The following MACF1 variants were observed in gnomAD, a reference collection of about 807,000 sequenced individuals.
MACF1 encodes microtubule-actin cross-linking factor 1.
A neutral mutation model predicts 854.8 loss-of-function variants in MACF1; 193 were observed. The observed-to-expected ratio is 0.23, with a 90% CI of 0.20 to 0.25. MACF1 has a LOEUF of 0.25. MACF1 is among the 10% of genes least tolerant of loss of function. The pLI, the probability that MACF1 is intolerant of heterozygous loss-of-function variation, is 1.00. For synonymous variants in MACF1, 3,185 were observed against 3,226.7 expected, an observed-to-expected ratio of 0.99 and a Z score of 0.44; for missense variants, 7,722 against 8,929.1, an observed-to-expected ratio of 0.86 and a Z score of 5.45.
rs1385562104 is a variant in MACF1 at position 39,334,175 on chromosome 1, A to G, written c.7587A>G (p.Glu2529=). The change falls in exon 37 of 101, where the codon GAA becomes GAG. Residue 2529 remains glutamate, a synonymous_variant. Coordinates refer to ENST00000564288, the MANE Select transcript of MACF1 (RefSeq NM_001394062.1). ...DNAFRHGLIG[E]DLAEKLKRVE... ...CCTTCAGACATGGCTTAATTGGTGA[A>G]GATTTAGCCGAGAAACTCAAAAGAG... The G allele has an allele frequency of 6.2e-7, 1 of 1,614,136 alleles. No homozygotes were observed. Among genetic ancestry groups the G allele is most frequent in the East Asian group, 2.2e-5 (1 of 44,890 alleles).
At chr1:39,269,993 G>A (rs1022550142) in intron 6 of MACF1, among the ~76,000 whole-genome samples, 1 of 152,196 alleles carries the variant, frequency 6.6e-6, no homozygotes, top group Non-Finnish European at 1.5e-5. Flanking sequence ...CTCTCAAGGT[G>A]CAATGCTAGA....
chr1:39,235,081 G>A (rs368801811), intron 2 of MACF1, among the ~76,000 whole-genome samples: 4 of 151,960 alleles, frequency 2.6e-5, no homozygotes, highest in African/African-American at 7.2e-5. Flanking sequence ...AGGCAGAGAC[G>A]CTCCTCACTT....
Position 39,428,084 on chromosome 1 carries a change from T to C in MACF1, c.16600T>C (p.Leu5534=). Residue 5534 remains leucine, a synonymous_variant, in exon 63 of 101, where the codon TTG becomes CTG. Transcript: ENST00000564288. ...QGVLSEKIDS[L]QARYSEIQDR... Reference sequence around the variant, plus strand: ...TGTGCTGTCAGAAAAGATAGACTCATTGCAGGCCCGATACAGTGAAATTCA... The same window carrying C: ...TGTGCTGTCAGAAAAGATAGACTCACTGCAGGCCCGATACAGTGAAATTCA... 1.2e-6 allele frequency: 2 copies of C among 1,614,218 alleles called. No homozygotes were observed. Among genetic ancestry groups the C allele is most frequent in the Non-Finnish European group, 1.7e-6 (2 of 1,180,048 alleles).
At chr1:39,208,220 T>C (rs900268366) in intron 1 of MACF1, among the ~76,000 whole-genome samples, 2 of 151,416 alleles carry the variant, frequency 1.3e-5, no homozygotes, top group Admixed American at 6.6e-5. Flanking sequence ...TTTTATTTCC[T>C]ATCTTGGCCT....
chr1:39,356,538 A>G (rs1647587943), intron 44 of MACF1, among the ~76,000 whole-genome samples: 1 of 152,056 alleles, frequency 6.6e-6, no homozygotes, highest in Admixed American at 6.6e-5. Flanking sequence ...ATGCCCAGCT[A>G]ATTTTTGTAT....
chr1:39,150,208 T>C (rs646546), intron 2 of MACF1, among the ~76,000 whole-genome samples: 143,332 of 152,156 alleles, frequency 0.94, 67,599 homozygotes, highest in East Asian at 1. Context: ...TTACTAGAGA[T>C]GGGGTTTTGC....
chr1:39,133,978 G>A (rs1012327634), intron 2 of MACF1, among the ~76,000 whole-genome samples: 8 of 150,320 alleles, frequency 5.3e-5, no homozygotes, highest in Non-Finnish European at 7.4e-5. Context: ...AGGGATTTGC[G>A]TGGCCAGGTA....
intron 2 of MACF1, among the ~76,000 whole-genome samples, chr1:39,232,765 T>G (rs80093081): frequency 0.65 from 90,483 of 139,442 alleles, 29,772 homozygotes; most frequent in South Asian, 0.78. Context: ...TTTTTTTTTT[T>G]TTTGTTTGTT....
chr1:39,448,097 A>C lies in MACF1; in HGVS notation c.20033A>C (p.Glu6678Ala). The C allele has an allele frequency of 6.2e-7, 1 of 1,614,160 alleles. No homozygotes were observed. The highest frequency in any genetic ancestry group is 8.5e-7 in the Non-Finnish European group (1 of 1,179,974). Reference sequence around the variant, plus strand: ...GATGCAGAGAGTCACCTGGACTCAGAACTAGAGATATCCAATGACCCAGAC... The same window carrying C: ...GATGCAGAGAGTCACCTGGACTCAGCACTAGAGATATCCAATGACCCAGAC... The part of the protein sequence containing the change: ...LEDAESHLDS[E>A]LEISNDPDKI... The change falls in exon 83 of 101, where the codon GAA (glutamate) becomes GCA (alanine). Residue 6678 changes from glutamate to alanine, a missense_variant. Physicochemically the swap from Glu to Ala is moderately radical, Grantham distance 107. This residue lies in a region of MACF1 where 729 missense variants were observed against 900.5 expected (regional missense o/e 0.81). Transcript: ENST00000564288.
rs1179657453 is a variant in MACF1 at position 39,415,410 on chromosome 1, A to G, written c.15817-6964A>G. Among the ~76,000 whole-genome samples, 5 of 149,888 alleles carry G rather than the reference A, an allele frequency of 3.3e-5. 1 individual carries two copies. In the East Asian group the frequency reaches 9.7e-4, roughly 29 times the overall value. On this transcript the variant is annotated intron_variant, in intron 58 of 100. Transcript: ENST00000564288. ...GAGTGCAGTGGTGCGATCTCAGCTC[A>G]CTGCAAGCTCCACCTCCCGGGTTCA...
chr1:39,370,859 C>A (rs1007611435), intron 51 of MACF1, among the ~76,000 whole-genome samples: 14 of 151,972 alleles, frequency 9.2e-5, no homozygotes, highest in Admixed American at 1.3e-4. Context: ...CCAAAAAAAA[C>A]AGAAACAAAA....
rs1241487313 is a variant in MACF1, at chr1:39,460,529, T to C, written c.21361-103T>C. ...CATAGATTTCATTGTTGATGGCCCCTGGAAGCATGGCTTTACTGAATGTCT... is the reference window on the plus strand; with the variant it reads ...CATAGATTTCATTGTTGATGGCCCCCGGAAGCATGGCTTTACTGAATGTCT... On this transcript the variant is annotated intron_variant, in intron 91 of 100. Transcript: ENST00000564288. The surrounding 1 kb of genome is among the most constrained non-coding windows in gnomAD (Gnocchi z 4.1). 11 of 985,626 alleles carry C rather than the reference T, an allele frequency of 1.1e-5. No homozygotes were observed. Among genetic ancestry groups the C allele is most frequent in the Non-Finnish European group, 1.6e-5 (10 of 636,922 alleles). The allele number at this position is 985,626 out of a possible 1,614,324, so 61.1% of individuals were successfully genotyped here. A position where few individuals can be genotyped will look rare whatever the true frequency, so the allele number is the denominator to read the frequency against.
intron 58 of MACF1, among the ~76,000 whole-genome samples, chr1:39,401,205 G>T (rs1001922549): frequency 3.9e-5 from 6 of 152,134 alleles, no homozygotes; most frequent in Non-Finnish European, 8.8e-5. Context: ...GCCTTGGCTT[G>T]TATGCTCTAC....
At chr1:39,231,462 C>G (rs1324060161) in intron 2 of MACF1, among the ~76,000 whole-genome samples, 1 of 152,206 alleles carries the variant, frequency 6.6e-6, no homozygotes, top group Non-Finnish European at 1.5e-5. Flanking sequence ...AGCAATCCTA[C>G]TGCCTCAGCC....
chr1:39,356,376 ATTTTTTTTTTTT>A (rs370740349), intron 44 of MACF1, among the ~76,000 whole-genome samples: 1 of 143,928 alleles, frequency 6.9e-6, no homozygotes, highest in African/African-American at 2.5e-5. Flanking sequence ...AAGAACTTGC[ATTTTTTTTTTTT>A]TTGAGATGGA....
rs200223302 is a variant in MACF1, at chr1:39,372,492, A to T, written c.13109A>T (p.Asp4370Val). 1 of 1,610,724 alleles carries T rather than the reference A, an allele frequency of 6.2e-7. No individual in the cohort carries two copies. The highest frequency in any genetic ancestry group is 2.2e-5 in the East Asian group (1 of 44,840). ...QIEHLKSLLD[D>V]WASKGTLVEE... ...TTCTTTAAACAGAGTCTACTAGATG[A>T]CTGGGCAAGTAAGGGAACTCTGGTG... Residue 4370 changes from aspartate (D) to valine (V), a missense_variant, in exon 52 of 101, where the codon GAC becomes GTC. By Grantham distance (152) the Asp-to-Val change is radical. Transcript: ENST00000564288.
intron 2 of MACF1, among the ~76,000 whole-genome samples, chr1:39,089,243 C>T (rs547831338): frequency 3.3e-5 from 5 of 152,106 alleles, no homozygotes; most frequent in East Asian, 3.9e-4. Flanking sequence ...ATTATATCCC[C>T]GTATGTGTTG....
Position 39,316,474 on chromosome 1 carries a change from A to G in MACF1, c.3533A>G (p.Glu1178Gly), listed in dbSNP as rs1221461268. The change falls in exon 28 of 101, where the codon GAA (glutamate) becomes GGA (glycine). Residue 1178 changes from glutamate to glycine, a missense_variant. Physicochemically the swap from Glu to Gly is moderately conservative, Grantham distance 98. Coordinates refer to ENST00000564288, the MANE Select transcript of MACF1 (RefSeq NM_001394062.1). Reference sequence around the variant, plus strand: ...GGTTATGAGATTAAGCTGAGTCAAGAAGAAGTAGTACTGGCAGATCTCTCA... The same window carrying G: ...GGTTATGAGATTAAGCTGAGTCAAGGAGAAGTAGTACTGGCAGATCTCTCA... ...VKGYEIKLSQ[E>G]EVVLADLSAL... 6.2e-7 allele frequency: 1 copy of G among 1,613,986 alleles called. No homozygotes were observed. Among genetic ancestry groups the G allele is most frequent in the South Asian group, 1.1e-5 (1 of 91,068 alleles).
chr1:39,121,629 G>A (rs143382821), intron 2 of MACF1, among the ~76,000 whole-genome samples: 2,837 of 152,220 alleles, frequency 0.019, 97 homozygotes, highest in African/African-American at 0.065. Context: ...TATATTTTTA[G>A]TAGAGACGGG....
Sources: gnomAD v4.1 joint callset for allele counts (sites outside exome capture counted in the v4.1 genomes callset) on GRCh38, gnomAD v4.1.1 for gene constraint, gnomAD v4.1.1 regional missense constraint, Gnocchi (gnomAD v3.1) non-coding constraint, MANE v1.5 for transcripts, NCBI Gene and HGNC (gene_info 2026-07-23, HGNC 2026-07-21) for gene names.